FSTL5: variants seen among roughly 807,000 people sequenced by gnomAD.
The protein encoded by FSTL5 is follistatin like 5, also known as follistatin-related protein 5.
FSTL5 carries 62 observed loss-of-function variants against 89.1 expected under a neutral mutation model. The observed-to-expected ratio is 0.70, with a 90% CI of 0.57 to 0.86. The LOEUF is 0.86. FSTL5 is among the 40% of genes least tolerant of loss of function. The pLI is 0.00. For synonymous variants in FSTL5, 383 were observed against 346.2 expected (o/e 1.11, Z -1.18); for missense variants, 1,057 against 1,001.6 (o/e 1.06, Z -0.75).
chr4:161,510,981 G>T (rs4599360), intron 10 of FSTL5, among the ~76,000 whole-genome samples: 150 of 151,976 alleles, frequency 9.9e-4, no homozygotes, highest in African/African-American at 3.5e-3. Context: ...AGTATACTTC[G>T]CTTCTTTTAG....
intron 3 of FSTL5, among the ~76,000 whole-genome samples, chr4:161,975,960 A>AT: frequency 1.2e-5 from 1 of 84,220 alleles, no homozygotes; most frequent in Non-Finnish European, 2.3e-5. Context: ...CTAAAAATAC[A>AT]AAAAAAAATT....
chr4:161,485,713 TA>T (rs1246631684), intron 12 of FSTL5, among the ~76,000 whole-genome samples: 3 of 152,056 alleles, frequency 2.0e-5, no homozygotes, highest in Non-Finnish European at 1.5e-5. Context: ...AAATTCATAA[TA>T]AAAATATTCC....
chr4:162,064,737 C>T (rs1362001264), intron 2 of FSTL5, among the ~76,000 whole-genome samples: 1 of 151,974 alleles, frequency 6.6e-6, no homozygotes, highest in Non-Finnish European at 1.5e-5. Flanking sequence ...GGTACACCAT[C>T]CATGCCATAA....
intron 7 of FSTL5, among the ~76,000 whole-genome samples, chr4:161,610,895 C>G (rs970222310): frequency 1.6e-4 from 25 of 151,664 alleles, no homozygotes; most frequent in African/African-American, 6.1e-4. Flanking sequence ...TATGCTAGAT[C>G]TAGATGCCCA....
At chr4:162,108,709 GTAT>G (rs1579034457) in intron 2 of FSTL5, among the ~76,000 whole-genome samples, 1 of 151,426 alleles carries the variant, frequency 6.6e-6, no homozygotes, top group East Asian at 1.9e-4. Flanking sequence ...AAAATTTGAA[GTAT>G]TGTGCTGCTG....
At chr4:161,625,090 T>C (rs774644845) in intron 7 of FSTL5, among the ~76,000 whole-genome samples, 4 of 152,110 alleles carry the variant, frequency 2.6e-5, no homozygotes, top group Non-Finnish European at 4.4e-5. Flanking sequence ...CAGAAGAAAA[T>C]ATCTGTCATA....
At chr4:161,884,648 C>T (rs1732742794) in intron 4 of FSTL5, among the ~76,000 whole-genome samples, 1 of 152,022 alleles carries the variant, frequency 6.6e-6, no homozygotes, top group Non-Finnish European at 1.5e-5. Flanking sequence ...TACCTTTATG[C>T]TTGAGAGCTG....
At chr4:162,025,213 T>A (rs995695944) in intron 3 of FSTL5, among the ~76,000 whole-genome samples, 3 of 152,116 alleles carry the variant, frequency 2.0e-5, no homozygotes, top group African/African-American at 7.2e-5. Context: ...TTGGAAAATA[T>A]GTGAATTGTA....
chr4:162,144,779 AT>A (rs1732904720), intron 1 of FSTL5, among the ~76,000 whole-genome samples: 2 of 152,066 alleles, frequency 1.3e-5, no homozygotes, highest in Admixed American at 1.3e-4. Flanking sequence ...GGTTCATTAA[AT>A]TTTTTTAATT....
At chr4:162,027,229 G>A (rs1737328375) in intron 3 of FSTL5, among the ~76,000 whole-genome samples, 1 of 151,986 alleles carries the variant, frequency 6.6e-6, no homozygotes, top group Non-Finnish European at 1.5e-5. Context: ...GTTTTTTAAA[G>A]GATGGAGAAT....
intron 7 of FSTL5, among the ~76,000 whole-genome samples, chr4:161,634,203 T>C (rs1735607317): frequency 6.6e-6 from 1 of 152,212 alleles, no homozygotes; most frequent in Non-Finnish European, 1.5e-5. Context: ...GATGTTTTCT[T>C]AGTAAAATTT....
chr4:162,048,702 T>G (rs973553328), intron 2 of FSTL5, among the ~76,000 whole-genome samples: 15 of 151,968 alleles, frequency 9.9e-5, no homozygotes, highest in African/African-American at 3.6e-4. Flanking sequence ...TAGAATAAAG[T>G]CATCAAGAAA....
intron 7 of FSTL5, among the ~76,000 whole-genome samples, chr4:161,616,082 T>C (rs1463717880): frequency 6.6e-6 from 1 of 151,910 alleles, no homozygotes. Flanking sequence ...TTTCTTTTTC[T>C]TTTTTTATTT....
chr4:161,481,795 C>T (rs567552362), intron 12 of FSTL5, among the ~76,000 whole-genome samples: 1 of 152,258 alleles, frequency 6.6e-6, no homozygotes, highest in Non-Finnish European at 1.5e-5. Flanking sequence ...TTGAAGACTG[C>T]ATACTTTGTG....
intron 3 of FSTL5, among the ~76,000 whole-genome samples, chr4:162,002,316 T>C (rs1000990440): frequency 2.0e-5 from 3 of 152,206 alleles, no homozygotes; most frequent in African/African-American, 7.2e-5. Context: ...GTAAATCTTA[T>C]GATTCACTTC....
intron 7 of FSTL5, 31 bp from the exon 8 acceptor site, chr4:161,587,606 G>A: frequency 3.9e-6 from 6 of 1,544,938 alleles, no homozygotes; most frequent in Non-Finnish European, 5.3e-6. Context: ...CAAGGTGTTT[G>A]CATTTTGAAT....
chr4:162,029,812 T>C lies in FSTL5; in HGVS notation c.160+3813A>G, dbSNP rs560276371. On this transcript the variant is annotated intron_variant, in intron 3 of 15. Transcript: ENST00000306100. Reference sequence around the variant, plus strand: ...AAAAGTATCACTAATAACAGTATGCTAAATGTACCTAATGTACAGTTGGTA... The same window carrying C: ...AAAAGTATCACTAATAACAGTATGCCAAATGTACCTAATGTACAGTTGGTA... Among the ~76,000 whole-genome samples the C allele has an allele frequency of 9.7e-4, 148 of 152,158 alleles. 1 individual carries two copies. The highest frequency in any genetic ancestry group is 1.6e-3 in the Non-Finnish European group (111 of 68,012).
intron 4 of FSTL5, among the ~76,000 whole-genome samples, chr4:161,899,510 C>G (rs1036564974): frequency 3.9e-5 from 6 of 152,196 alleles, no homozygotes; most frequent in African/African-American, 1.4e-4. Context: ...GCCTACAGTT[C>G]TTCTGCCAAT....
chr4:161,917,323 G>A (rs993539972), intron 4 of FSTL5, among the ~76,000 whole-genome samples: 3 of 152,144 alleles, frequency 2.0e-5, no homozygotes, highest in Admixed American at 2.0e-4. Flanking sequence ...ACCTTGAAGT[G>A]CAAATCAGTA....
Sources: allele counts gnomAD v4.1 joint callset (sites outside exome capture counted in the v4.1 genomes callset), GRCh38; gene constraint gnomAD v4.1.1; transcripts MANE v1.5; gene names NCBI Gene and HGNC (gene_info 2026-07-23, HGNC 2026-07-21).